The following ZNF136 variants were observed in gnomAD, a reference collection of about 807,000 sequenced individuals.
The protein encoded by ZNF136 is zinc finger protein 136 (clone pHZ-20).
A neutral mutation model predicts 11.4 loss-of-function variants in ZNF136; 8 were observed. The ratio of observed to expected loss-of-function variants is 0.70; its 90% CI spans 0.41 to 1.27. The LOEUF is 1.27. ZNF136 is among the 50% of genes most tolerant of loss of function. The probability of loss-of-function intolerance (pLI) is 0.01; values close to 1 mark genes in which losing one functional copy is unlikely to be tolerated. For synonymous variants in ZNF136, 190 were observed against 207.1 expected (o/e 0.92, Z 0.71); for missense variants, 590 against 656.5 (o/e 0.90, Z 1.11).
chr19:12,175,023 A>AT (rs549299177), intron 1 of ZNF136, among the ~76,000 whole-genome samples: 73 of 151,210 alleles, frequency 4.8e-4, no homozygotes, highest in African/African-American at 1.4e-3. Context: ...CGCCCAGCTA[A>AT]TTTTTTGTAT....
intron 1 of ZNF136, among the ~76,000 whole-genome samples, chr19:12,166,142 C>T (rs1977183254): frequency 6.6e-6 from 1 of 151,804 alleles, no homozygotes; most frequent in African/African-American, 2.4e-5. Flanking sequence ...GCAGGAGAAT[C>T]ACTTGAACCC....
In ZNF136 at chr19:12,188,005, T is replaced by G. The variant is rs766273648; in HGVS notation, c.*4T>G. 1.7e-5 allele frequency: 26 copies of G among 1,515,404 alleles called. No individual in the cohort carries two copies. Among genetic ancestry groups the G allele is most frequent in the Middle Eastern group, 1.8e-4 (1 of 5,626 alleles). The allele number at this position is 1,515,404 out of a possible 1,614,324, so 93.9% of individuals were successfully genotyped here. ...ATGCATGTGGGAAAGCCTTTAATGC[T>G]CTGGGTTCATGTCAGATACATTAAA... On this transcript the variant is annotated 3_prime_UTR_variant, in exon 4 of 4. Coordinates refer to ENST00000343979, the MANE Select transcript of ZNF136 (RefSeq NM_003437.5).
At chr19:12,174,037 C>T (rs1223787986) in intron 1 of ZNF136, among the ~76,000 whole-genome samples, 1 of 152,132 alleles carries the variant, frequency 6.6e-6, no homozygotes, top group Non-Finnish European at 1.5e-5. Flanking sequence ...TCCCCAGTAG[C>T]TGGGATTACA....
At position 12,186,962 on chromosome 19, in the gene ZNF136, C is replaced by T. The variant is rs141340796; in HGVS notation, c.584C>T (p.Pro195Leu). Residue 195 changes from proline to leucine, a missense_variant, in exon 4 of 4, where the codon CCA becomes CTA. Pro to Leu is a moderately conservative substitution (Grantham distance 98). Transcript: ENST00000343979. ...ATCATCACACACAGTGGATATACACCATATAAATGTAAGGTGTGTGGGAAA... is the reference window on the plus strand; with the variant it reads ...ATCATCACACACAGTGGATATACACTATATAAATGTAAGGTGTGTGGGAAA... ...RHIITHSGYT[P>L]YKCKVCGKAF... 1.3e-5 allele frequency: 21 copies of T among 1,613,962 alleles called. No homozygotes were observed. The highest frequency in any genetic ancestry group is 1.8e-5 in the Non-Finnish European group (21 of 1,180,020).
At chr19:12,164,218 T>G (rs1217129560) in intron 1 of ZNF136, among the ~76,000 whole-genome samples, 4 of 152,112 alleles carry the variant, frequency 2.6e-5, no homozygotes, top group African/African-American at 7.2e-5. Flanking sequence ...TTCCATCCTT[T>G]GGAGACACAC....
chr19:12,185,453 A>C (rs1220167163), intron 1 of ZNF136: 1 of 191,156 alleles, frequency 5.2e-6, no homozygotes, highest in Non-Finnish European at 1.1e-5. Flanking sequence ...AGGACTGCTA[A>C]TATAAACTCT....
intron 1 of ZNF136, among the ~76,000 whole-genome samples, chr19:12,166,298 CATGTGTAGTAT>C (rs1381896091): frequency 3.9e-5 from 6 of 151,994 alleles, no homozygotes; most frequent in African/African-American, 1.5e-4. Context: ...TTTCCCAGAT[CATGTGTAGTAT>C]ATGTGTAGTA....
chr19:12,169,827 C>G (rs1414847832), intron 1 of ZNF136, among the ~76,000 whole-genome samples: 1 of 151,552 alleles, frequency 6.6e-6, no homozygotes, highest in South Asian at 2.1e-4. Context: ...CAGAGTCTCT[C>G]TCTGTCCCCC....
chr19:12,181,486 T>G (rs1255393498), intron 1 of ZNF136, among the ~76,000 whole-genome samples: 3 of 152,146 alleles, frequency 2.0e-5, no homozygotes, highest in South Asian at 2.1e-4. Context: ...TTTGTTTTTT[T>G]TTTTTTGGTG....
At chr19:12,178,850 G>A (rs1050320403) in intron 1 of ZNF136, among the ~76,000 whole-genome samples, 4 of 152,044 alleles carry the variant, frequency 2.6e-5, no homozygotes, top group Admixed American at 6.6e-5. Flanking sequence ...TTAGCCGGGC[G>A]TGGTGGCGGG....
chr19:12,185,663 C>A, intron 1 of ZNF136, 122 bp from the exon 2 acceptor site: 1 of 1,307,656 alleles, frequency 7.6e-7, no homozygotes, highest in Non-Finnish European at 1.0e-6. Context: ...AGTATGATGA[C>A]CAAACAGTGG....
Position 12,186,850 on chromosome 19 carries a change from CAT to C in ZNF136, c.473_474del (p.His158ArgfsTer11). Reference sequence around the variant, plus strand: ...CAGTTCTCACCACTCCTTTCGAACACATGAGATAATTCACACTGGAGAGAAAC... The same window carrying C: ...CAGTTCTCACCACTCCTTTCGAACACGAGATAATTCACACTGGAGAGAAAC... The part of the protein sequence containing the change: ...PFSSHHSFRT[H>X]EIIHTGEKLY... On this transcript the variant is annotated frameshift_variant, in exon 4 of 4. Coordinates refer to ENST00000343979, the MANE Select transcript of ZNF136 (RefSeq NM_003437.5). LOFTEE classifies it low-confidence loss of function (END_TRUNC). 4 of 1,614,124 alleles carry C rather than the reference CAT, an allele frequency of 2.5e-6. No individual in the cohort carries two copies. Among genetic ancestry groups the C allele is most frequent in the East Asian group, 2.2e-5 (1 of 44,870 alleles).
chr19:12,172,767 A>G (rs1478897387), intron 1 of ZNF136, among the ~76,000 whole-genome samples: 5 of 152,196 alleles, frequency 3.3e-5, no homozygotes, highest in African/African-American at 4.8e-5. Flanking sequence ...TAATCCCAGT[A>G]CTGTGGGAGG....
intron 1 of ZNF136, chr19:12,185,527 A>G (rs1284350792): frequency 5.7e-6 from 2 of 349,740 alleles, no homozygotes; most frequent in East Asian, 6.1e-5. Context: ...ATGAGCAGAC[A>G]TTAGCTGGGA....
rs146990528 is a variant in ZNF136 at position 12,178,143 on chromosome 19, G to A, written c.4-7642G>A. Among the ~76,000 whole-genome samples the A allele has an allele frequency of 2.6e-3, 402 of 152,234 alleles. 5 individuals carry two copies. Among genetic ancestry groups the A allele is most frequent in the African/African-American group, 9.5e-3 (396 of 41,544 alleles). ...AATAATAAAAGTTTTAAATTGGATT[G>A]TTTTCTTGCTATTGAGCTGTTTGAA... On this transcript the variant is annotated intron_variant, in intron 1 of 3. Coordinates refer to ENST00000343979, the MANE Select transcript of ZNF136 (RefSeq NM_003437.5).
intron 1 of ZNF136, among the ~76,000 whole-genome samples, chr19:12,181,395 C>T (rs56335684): frequency 0.16 from 24,661 of 152,154 alleles, 2,714 homozygotes; most frequent in Non-Finnish European, 0.23. Flanking sequence ...TTCTGCAGTC[C>T]CCAACACCAG....
intron 1 of ZNF136, among the ~76,000 whole-genome samples, chr19:12,170,262 A>T (rs536546607): frequency 2.6e-5 from 4 of 152,084 alleles, no homozygotes; most frequent in Non-Finnish European, 5.9e-5. Flanking sequence ...CGTTGCACAC[A>T]TGCTGCTGTC....
rs1915186851 is a variant in ZNF136, at chr19:12,188,840, A to G, written c.*839A>G. On this transcript the variant is annotated 3_prime_UTR_variant, in exon 4 of 4. Transcript: ENST00000343979. ...AAAACTTCTAATACAGCAAAATCCTATAAATGTAAGTACTTCAAAAAGCCT... is the reference window on the plus strand; with the variant it reads ...AAAACTTCTAATACAGCAAAATCCTGTAAATGTAAGTACTTCAAAAAGCCT... The G allele has an allele frequency of 1.3e-5, 2 of 152,148 alleles. No individual in the cohort carries two copies. The highest frequency in any genetic ancestry group is 4.8e-5 in the African/African-American group (2 of 41,430). 9.4% of individuals were successfully genotyped at this position (152,148 alleles called of 1,614,324 possible).
intron 1 of ZNF136, among the ~76,000 whole-genome samples, chr19:12,172,099 C>A (rs538843971): frequency 6.6e-6 from 1 of 151,788 alleles, no homozygotes; most frequent in African/African-American, 2.4e-5. Flanking sequence ...GTGCTTCAGC[C>A]TTCCGAGTAG....
Sources: gnomAD v4.1 joint callset for allele counts (sites outside exome capture counted in the v4.1 genomes callset) on GRCh38, gnomAD v4.1.1 for gene constraint, MANE v1.5 for transcripts, NCBI Gene and HGNC (gene_info 2026-07-23, HGNC 2026-07-21) for gene names.